The following ZHX3 variants were observed in gnomAD, a reference collection of about 807,000 sequenced individuals.
ZHX3 encodes zinc fingers and homeoboxes 3.
A neutral mutation model predicts 64.5 loss-of-function variants in ZHX3; 20 were observed. The ratio of observed to expected loss-of-function variants is 0.31; its 90% CI spans 0.22 to 0.45. ZHX3 has a LOEUF of 0.45. Ranked by LOEUF, ZHX3 falls within the 20% of genes least tolerant of loss-of-function variation. The pLI, the probability that ZHX3 is intolerant of heterozygous loss-of-function variation, is 1.00. For missense variants in ZHX3, 1,041 were observed against 1,195.8 expected, an observed-to-expected ratio of 0.87 and a Z score of 1.91; for synonymous variants, 423 against 461.6, an observed-to-expected ratio of 0.92 and a Z score of 1.07.
chr20:41,204,645 T>G lies in ZHX3; in HGVS notation c.272A>C (p.Gln91Pro), dbSNP rs2038550916. The G allele has an allele frequency of 6.2e-7, 1 of 1,614,128 alleles. No homozygotes were observed. Among genetic ancestry groups the G allele is most frequent in the African/African-American group, 1.3e-5 (1 of 74,940 alleles). Residue 91 changes from glutamine (Q) to proline (P), a missense_variant, in exon 3 of 4, where the codon CAA becomes CCA. By Grantham distance (76) the Gln-to-Pro change is moderately conservative. Coordinates refer to ENST00000683867, the MANE Select transcript of ZHX3 (RefSeq NM_001384317.1). This position sits in a 1 kb window ranked among gnomAD's most constrained non-coding sequence, Gnocchi z 6.6. Reference protein sequence around the residue: ...YCDFRSHDMTQFVGHMNSEHT... With the variant: ...YCDFRSHDMTPFVGHMNSEHT... ...CTCTGAGTTCATATGTCCCACAAAT[T>G]GGGTCATGTCATGGGATCTGAAATC...
chr20:41,205,473 A>G (rs1404777288), intron 2 of ZHX3, among the ~76,000 whole-genome samples: 2 of 151,152 alleles, frequency 1.3e-5, no homozygotes, highest in Non-Finnish European at 2.9e-5. Flanking sequence ...TTTTCTTTTC[A>G]TAGCCTTCCC....
chr20:41,301,356 C>A (rs1386552347), intron 1 of ZHX3, among the ~76,000 whole-genome samples: 2 of 152,142 alleles, frequency 1.3e-5, no homozygotes, highest in Admixed American at 6.5e-5. Context: ...TCAAAATATA[C>A]AATGGCTTCT....
chr20:41,206,457 A>G (rs1227100695), intron 2 of ZHX3, among the ~76,000 whole-genome samples: 1 of 152,126 alleles, frequency 6.6e-6, no homozygotes, highest in Non-Finnish European at 1.5e-5. Flanking sequence ...AGAAGACCTT[A>G]AATGACCTGA....
chr20:41,263,636 C>G (rs1231190804), intron 2 of ZHX3, among the ~76,000 whole-genome samples: 1 of 152,008 alleles, frequency 6.6e-6, no homozygotes, highest in East Asian at 1.9e-4. Context: ...TGAGCTCAGG[C>G]AATCTGCCTG....
At chr20:41,271,964 A>G (rs961513589) in intron 1 of ZHX3, 4 of 152,178 alleles carry the variant, frequency 2.6e-5, no homozygotes, top group African/African-American at 9.7e-5. Context: ...TTCCATAAGT[A>G]TGTCTTAGAT....
At chr20:41,218,306 G>A (rs1167967704) in intron 2 of ZHX3, among the ~76,000 whole-genome samples, 2 of 152,094 alleles carry the variant, frequency 1.3e-5, no homozygotes, top group Non-Finnish European at 2.9e-5. Flanking sequence ...TAGCTGGCAT[G>A]GTGACACGCA....
rs927054922 is a variant in ZHX3, at chr20:41,226,329, C to T, written c.-150-21263G>A. Among the ~76,000 whole-genome samples the T allele has an allele frequency of 6.6e-6, 1 of 151,958 alleles. No homozygotes were observed. Among genetic ancestry groups the T allele is most frequent in the Non-Finnish European group, 1.5e-5 (1 of 68,006 alleles). On this transcript the variant is annotated intron_variant, in intron 2 of 3. Coordinates refer to ENST00000683867, the MANE Select transcript of ZHX3 (RefSeq NM_001384317.1). This position sits in a 1 kb window ranked among gnomAD's most constrained non-coding sequence, Gnocchi z 4.4. Reference sequence around the variant, plus strand: ...TGAGATCGCGCCACTGAACTCCAGCCTGGGTGACAGGGCAATACTCTATTT... The same window carrying T: ...TGAGATCGCGCCACTGAACTCCAGCTTGGGTGACAGGGCAATACTCTATTT...
intron 2 of ZHX3, among the ~76,000 whole-genome samples, chr20:41,220,424 T>G (rs1056214749): frequency 1.3e-5 from 2 of 152,252 alleles, no homozygotes; most frequent in Admixed American, 6.5e-5. Context: ...AGATTTCCTA[T>G]GAAGCTACTA....
chr20:41,225,850 C>G lies in ZHX3; in HGVS notation c.-150-20784G>C, dbSNP rs557040249. ...TAAGCACATTCACATTGTTGACCAACAGATGCCCAGAACTTTTTAATCTTG... is the reference window on the plus strand; with the variant it reads ...TAAGCACATTCACATTGTTGACCAAGAGATGCCCAGAACTTTTTAATCTTG... On this transcript the variant is annotated intron_variant, in intron 2 of 3. Transcript: ENST00000683867. 7.2e-5 allele frequency among the ~76,000 whole-genome samples: 11 copies of G among 152,284 alleles called. 3 individuals carry two copies. Among genetic ancestry groups the G allele is most frequent in the African/African-American group, 2.4e-4 (10 of 41,544 alleles).
chr20:41,316,592 ATATAC>A (rs1600686531), intron 1 of ZHX3, among the ~76,000 whole-genome samples: 1 of 152,376 alleles, frequency 6.6e-6, no homozygotes, highest in East Asian at 1.9e-4. Context: ...CTGGATAAAT[ATATAC>A]TATGTGTTCA....
chr20:41,234,544 C>T (rs1439618899), intron 2 of ZHX3, among the ~76,000 whole-genome samples: 1 of 152,198 alleles, frequency 6.6e-6, no homozygotes, highest in Non-Finnish European at 1.5e-5. Context: ...TAAGAGTGAC[C>T]TATGTCAAAG....
At chr20:41,255,193 C>G (rs1008002050) in intron 2 of ZHX3, among the ~76,000 whole-genome samples, 1 of 152,024 alleles carries the variant, frequency 6.6e-6, no homozygotes, top group African/African-American at 2.4e-5. Context: ...GCACTGTCGC[C>G]CAGGCTGGAG....
intron 1 of ZHX3, among the ~76,000 whole-genome samples, chr20:41,312,452 A>G (rs2045168557): frequency 6.6e-6 from 1 of 152,228 alleles, no homozygotes; most frequent in East Asian, 1.9e-4. Context: ...GCCATCTTTA[A>G]GAGCTGTAAC....
At chr20:41,194,169 A>T (rs1377194407) in intron 3 of ZHX3, among the ~76,000 whole-genome samples, 2 of 152,010 alleles carry the variant, frequency 1.3e-5, no homozygotes, top group African/African-American at 4.8e-5. Context: ...TTTATTCCTG[A>T]TCTCAGGGGA....
At chr20:41,303,012 T>C (rs2044869763) in intron 1 of ZHX3, among the ~76,000 whole-genome samples, 1 of 149,218 alleles carries the variant, frequency 6.7e-6, no homozygotes, top group Admixed American at 6.7e-5. Flanking sequence ...GACGACCATC[T>C]CCATTTCTGT....
intron 1 of ZHX3, among the ~76,000 whole-genome samples, chr20:41,295,956 T>C (rs1333275576): frequency 6.6e-6 from 1 of 152,218 alleles, no homozygotes; most frequent in Non-Finnish European, 1.5e-5. Flanking sequence ...ACACACAGTT[T>C]GATCTTCTCG....
intron 1 of ZHX3, among the ~76,000 whole-genome samples, chr20:41,306,297 T>C (rs2044978337): frequency 6.6e-6 from 1 of 152,240 alleles, no homozygotes; most frequent in Non-Finnish European, 1.5e-5. Context: ...TATAGTAACT[T>C]GACCTTTGCA....
At chr20:41,188,910 A>C (rs1447653383) in intron 3 of ZHX3, among the ~76,000 whole-genome samples, 1 of 152,168 alleles carries the variant, frequency 6.6e-6, no homozygotes, top group Non-Finnish European at 1.5e-5. Context: ...TTAGCCATAA[A>C]ATCGTTGCTC....
chr20:41,222,586 G>C (rs2040016004), intron 2 of ZHX3, among the ~76,000 whole-genome samples: 1 of 152,146 alleles, frequency 6.6e-6, no homozygotes, highest in Non-Finnish European at 1.5e-5. Flanking sequence ...GGGTTGGGGG[G>C]AGGCTGGGAC....
Sources: allele counts gnomAD v4.1 joint callset (sites outside exome capture counted in the v4.1 genomes callset), GRCh38; gene constraint gnomAD v4.1.1; non-coding constraint Gnocchi (gnomAD v3.1); transcripts MANE v1.5; gene names NCBI Gene and HGNC (gene_info 2026-07-23, HGNC 2026-07-21).